Variants in CASP8 observed in about 807,000 individuals in gnomAD.
CASP8 encodes the protein caspase 8.
In CASP8, 24 loss-of-function variants were observed where a neutral mutation model predicts 46.3. That is an observed-to-expected ratio of 0.52 (90% CI 0.38 to 0.73). The LOEUF (loss-of-function observed/expected upper bound fraction) is 0.73. CASP8 is among the 30% of genes least tolerant of loss of function. The pLI, the probability that CASP8 is intolerant of heterozygous loss-of-function variation, is 0.00. For missense variants in CASP8, 460 were observed against 559.0 expected, an observed-to-expected ratio of 0.82 and a Z score of 1.79; for synonymous variants, 188 against 200.4, an observed-to-expected ratio of 0.94 and a Z score of 0.52.
chr2:201,241,883 A>C (rs1471826590), intron 2 of CASP8: 2 of 152,354 alleles, frequency 1.3e-5, no homozygotes, highest in African/African-American at 4.8e-5. Context: ...CCTAGGATAC[A>C]AGTATGGATC....
At chr2:201,251,976 G>C (rs959919863) in intron 2 of CASP8, among the ~76,000 whole-genome samples, 1 of 151,928 alleles carries the variant, frequency 6.6e-6, no homozygotes, top group African/African-American at 2.4e-5. Context: ...TCATTCCCAC[G>C]AGTAATGAAT....
Position 201,276,868 on chromosome 2 carries a change from A to C in CASP8, c.702A>C (p.Gly234=), listed in dbSNP as rs1424084764. The change falls in exon 7 of 9, where the codon GGA becomes GGC. Residue 234 remains glycine, a synonymous_variant. Coordinates refer to ENST00000673742, the MANE Select transcript of CASP8 (RefSeq NM_001372051.1). ...KVYQMKSKPR[G]YCLIINNHNF... ...ACCAAATGAAAAGCAAACCTCGGGG[A>C]TACTGTCTGATCATCAACAATCACA... The C allele has an allele frequency of 6.2e-7, 1 of 1,614,130 alleles. No individual in the cohort carries two copies. The highest frequency in any genetic ancestry group is 1.7e-5 in the Admixed American group (1 of 60,020).
chr2:201,268,002 C>T (rs529349877), intron 2 of CASP8, among the ~76,000 whole-genome samples: 3 of 152,320 alleles, frequency 2.0e-5, no homozygotes, highest in South Asian at 4.1e-4. Flanking sequence ...TCTCGGCTCA[C>T]TGCAACATCT....
intron 7 of CASP8, among the ~76,000 whole-genome samples, chr2:201,284,511 C>CAAA (rs1179187579): frequency 2.0e-5 from 1 of 50,688 alleles, no homozygotes; most frequent in African/African-American, 7.6e-5. Context: ...CCATCTCCAC[C>CAAA]AAAAAAAAAA....
chr2:201,258,031 G>A (rs896199864), upstream of CASP8: 701 of 604,676 alleles, frequency 1.2e-3, 9 homozygotes, highest in Non-Finnish European at 2.3e-4. Context: ...TTTCTTGTTC[G>A]AGTGAGTCAT....
Position 201,286,312 on chromosome 2 carries a change from G to T in CASP8, c.1305-147G>T. 6 of 879,230 alleles carry T rather than the reference G, an allele frequency of 6.8e-6. No individual in the cohort carries two copies. The South Asian group carries it at 7.3e-5, about 11-fold the overall frequency. 54.5% of individuals were successfully genotyped at this position (879,230 alleles called of 1,614,324 possible). ...CAACCCATTTACCAGGAAAGCTGGG[G>T]TAGGTCTTGGTTTCGCACCTTATTG... is the stretch of plus-strand genomic sequence containing the variant. On this transcript the variant is annotated intron_variant, in intron 8 of 8. Coordinates refer to ENST00000673742, the MANE Select transcript of CASP8 (RefSeq NM_001372051.1).
At position 201,260,607 on chromosome 2, in the gene CASP8, G is replaced by A. The variant is rs1434261286; in HGVS notation, c.-33G>A. On this transcript the variant is annotated 5_prime_UTR_variant, in exon 1 of 9. Transcript: ENST00000673742. Reference sequence around the variant, plus strand: ...TGTGACGAAGGTGCTACCATCGTGAGAGTAAGGTAAGGATTTGCCTCTTTG... The same window carrying A: ...TGTGACGAAGGTGCTACCATCGTGAAAGTAAGGTAAGGATTTGCCTCTTTG... 1.0e-6 allele frequency: 1 copy of A among 976,834 alleles called. No individual in the cohort carries two copies. 60.5% of individuals were successfully genotyped at this position (976,834 alleles called of 1,614,324 possible). A position where few individuals can be genotyped will look rare whatever the true frequency, so the allele number is the denominator to read the frequency against.
chr2:201,276,746 C>T, intron 6 of CASP8, 81 bp from the exon 7 acceptor site: 5 of 1,592,836 alleles, frequency 3.1e-6, no homozygotes, highest in Non-Finnish European at 4.3e-6. Flanking sequence ...AAAGCAAGTC[C>T]TCTTACTAGG....
At chr2:201,284,641 T>C (rs1455997773) in intron 7 of CASP8, among the ~76,000 whole-genome samples, 175 bp from the exon 8 acceptor site, 4 of 42,220 alleles carry the variant, frequency 9.5e-5, no homozygotes, top group Admixed American at 7.7e-4. Context: ...CGTCCAGCTT[T>C]GGCTCGGCAT....
At chr2:201,271,465 G>T in intron 2 of CASP8, 51 bp from the exon 3 acceptor site, 2 of 1,126,142 alleles carry the variant, frequency 1.8e-6, no homozygotes, top group South Asian at 1.2e-5. Context: ...TATATCAAAT[G>T]GGAAATTATT....
intron 6 of CASP8, among the ~76,000 whole-genome samples, chr2:201,275,185 T>TTATTTAA (rs1319287515): frequency 6.6e-6 from 1 of 152,158 alleles, no homozygotes; most frequent in Non-Finnish European, 1.5e-5. Flanking sequence ...AGACCCGAGA[T>TTATTTAA]GAAGATACTG....
chr2:201,275,276 T>G (rs778706884), intron 6 of CASP8, among the ~76,000 whole-genome samples: 42 of 152,128 alleles, frequency 2.8e-4, no homozygotes, highest in Admixed American at 5.9e-4. Context: ...GGGGAGTGGT[T>G]TGGAGAAAGA....
At chr2:201,277,435 C>T (rs1948707135) in intron 7 of CASP8, among the ~76,000 whole-genome samples, 1 of 151,912 alleles carries the variant, frequency 6.6e-6, no homozygotes, top group Non-Finnish European at 1.5e-5. Context: ...TTTGCTCAGC[C>T]AAATTAAGCT....
chr2:201,263,788 T>A (rs1428142549), intron 1 of CASP8, among the ~76,000 whole-genome samples: 1 of 152,230 alleles, frequency 6.6e-6, no homozygotes, highest in Non-Finnish European at 1.5e-5. Flanking sequence ...CAGGGTTAGA[T>A]CTAGTTTAGA....
chr2:201,281,807 ACT>A, intron 7 of CASP8: 1 of 1,387,520 alleles, frequency 7.2e-7, no homozygotes, highest in African/African-American at 1.5e-5. Flanking sequence ...CAACAATAAC[ACT>A]CTCTCCTTTC....
rs116001363 is a variant in CASP8 at position 201,246,353 on chromosome 2, T to C, written c.-27+12241T>C. Among the ~76,000 whole-genome samples, 258 of 152,272 alleles carry C rather than the reference T, an allele frequency of 1.7e-3. 1 individual carries two copies. The highest frequency in any genetic ancestry group is 6.0e-3 in the African/African-American group (248 of 41,554). ...GGTTGTGTGATTGTCTGTTGATTTA[T>C]TCCCAGGGTATTTAGGTGTCCTTAG... On this transcript the variant is annotated intron_variant, in intron 2 of 6. Coordinates refer to the CASP8 transcript ENST00000264274.
intron 2 of CASP8, among the ~76,000 whole-genome samples, chr2:201,250,545 C>T (rs1240832775): frequency 6.6e-6 from 1 of 152,168 alleles, no homozygotes; most frequent in African/African-American, 2.4e-5. Flanking sequence ...GGAGGTGCCA[C>T]ATATTTTTAA....
At chr2:201,284,327 C>A (rs1274742758) in intron 7 of CASP8, among the ~76,000 whole-genome samples, 6 of 73,524 alleles carry the variant, frequency 8.2e-5, no homozygotes, top group African/African-American at 3.1e-4. Context: ...CCAAGGCAGG[C>A]GGCTGGGAGG....
In CASP8 at chr2:201,265,752, A is replaced by C. The variant is rs977772639; in HGVS notation, c.-26-709A>C. On this transcript the variant is annotated intron_variant, in intron 1 of 8. Coordinates refer to ENST00000673742, the MANE Select transcript of CASP8 (RefSeq NM_001372051.1). ...TCACTCTCCATCCCAGACACTTTGT[A>C]GTTACTTTATTGAGCTCCTTGTGCC... 1.2e-4 allele frequency among the ~76,000 whole-genome samples: 19 copies of C among 152,024 alleles called. 1 individual carries two copies. Among genetic ancestry groups the C allele is most frequent in the Non-Finnish European group, 1.5e-5 (1 of 67,982 alleles).
Sources: gnomAD v4.1 joint callset for allele counts (sites outside exome capture counted in the v4.1 genomes callset) on GRCh38, gnomAD v4.1.1 for gene constraint, MANE v1.5 for transcripts, NCBI Gene and HGNC (gene_info 2026-07-23, HGNC 2026-07-21) for gene names.